KIRREL3: variants seen among roughly 807,000 people sequenced by gnomAD.
KIRREL3 encodes kin of IRRE-like protein 3.
KIRREL3 carries 36 observed loss-of-function variants against 89.7 expected under a neutral mutation model. The ratio of observed to expected loss-of-function variants is 0.40; its 90% CI spans 0.31 to 0.53. KIRREL3 has a LOEUF of 0.53. KIRREL3 is among the 20% of genes least tolerant of loss of function. The pLI is 0.49. For synonymous variants in KIRREL3, 445 were observed against 441.4 expected, an observed-to-expected ratio of 1.01 and a Z score of -0.10; for missense variants, 864 against 1,056.6, an observed-to-expected ratio of 0.82 and a Z score of 2.53.
intron 1 of KIRREL3, among the ~76,000 whole-genome samples, chr11:126,921,586 CTATCTATCTATCTATCTAT>C (rs1947296979): frequency 4.7e-5 from 1 of 21,194 alleles, no homozygotes; most frequent in Non-Finnish European, 9.0e-5. Flanking sequence ...TGTCTTCTAT[CTATCTATCTATCTATCTAT>C]CTATCTATCT....
intron 9 of KIRREL3, among the ~76,000 whole-genome samples, chr11:126,446,335 TC>T (rs1315021011): frequency 3.3e-5 from 5 of 151,684 alleles, no homozygotes; most frequent in Non-Finnish European, 7.4e-5. Flanking sequence ...TTTCTTTCTT[TC>T]CTTTCTTCTT....
rs537356997 is a variant in KIRREL3 at position 126,624,830 on chromosome 11, G to A, written c.56-61918C>T. ...GAGGGCAGAGCTGATGGAAGGGCCC[G>A]TTGGATACTGACCCAGGGCTTGGGG... On this transcript the variant is annotated intron_variant, in intron 1 of 16. Transcript: ENST00000525144. This position sits in a 1 kb window ranked among gnomAD's most constrained non-coding sequence, Gnocchi z 6.0. 2.0e-5 allele frequency among the ~76,000 whole-genome samples: 3 copies of A among 152,262 alleles called. No homozygotes were observed. Among genetic ancestry groups the A allele is most frequent in the South Asian group, 2.1e-4 (1 of 4,826 alleles).
At chr11:126,448,558 G>A (rs1178965855) in intron 8 of KIRREL3, among the ~76,000 whole-genome samples, 1 of 152,210 alleles carries the variant, frequency 6.6e-6, no homozygotes, top group African/African-American at 2.4e-5. Context: ...GTAGTAGGAG[G>A]AGGAGCTTTG....
In KIRREL3 at chr11:126,904,246, A is replaced by T. The variant is rs776931094; in HGVS notation, c.55+96209T>A. ...CACCGAACTTCAGATGAGATATTCC[A>T]AGTTTCATTTAGCACAACATATAGA... On this transcript the variant is annotated intron_variant, in intron 1 of 16. Coordinates refer to ENST00000525144, the MANE Select transcript of KIRREL3 (RefSeq NM_032531.4). The surrounding 1 kb of genome is among the most constrained non-coding windows in gnomAD (Gnocchi z 4.4). Among the ~76,000 whole-genome samples the T allele has an allele frequency of 6.6e-6, 1 of 152,232 alleles. No homozygotes were observed. Among genetic ancestry groups the T allele is most frequent in the East Asian group, 1.9e-4 (1 of 5,204 alleles).
In KIRREL3 at chr11:126,575,120, T is replaced by C. The variant is rs1431337627; in HGVS notation, c.56-12208A>G. On this transcript the variant is annotated intron_variant, in intron 1 of 16. Transcript: ENST00000525144. This position sits in a 1 kb window ranked among gnomAD's most constrained non-coding sequence, Gnocchi z 7.0. ...TACTTCTTGTTCATCTGGAGAAAGT[T>C]CTCTGGCCAGAGGACACAGTGAGGG... Among the ~76,000 whole-genome samples the C allele has an allele frequency of 6.6e-6, 1 of 152,116 alleles. No homozygotes were observed. Among genetic ancestry groups the C allele is most frequent in the Non-Finnish European group, 1.5e-5 (1 of 68,004 alleles).
At position 126,899,023 on chromosome 11, in the gene KIRREL3, C is replaced by T. The variant is rs556394152; in HGVS notation, c.55+101432G>A. On this transcript the variant is annotated intron_variant, in intron 1 of 16. Coordinates refer to ENST00000525144, the MANE Select transcript of KIRREL3 (RefSeq NM_032531.4). ...GCAGGGGAGTTTGGGGGGGGTCTCT[C>T]GCATTCCTGAGGTCCCTTTGACTAT... 1.6e-3 allele frequency among the ~76,000 whole-genome samples: 243 copies of T among 150,846 alleles called. 1 individual carries two copies. The highest frequency in any genetic ancestry group is 3.0e-3 in the Non-Finnish European group (203 of 67,916).
rs185607005 is a variant in KIRREL3, at chr11:126,463,740, C to T, written c.592-433G>A. On this transcript the variant is annotated intron_variant, in intron 5 of 16. Transcript: ENST00000525144. This position sits in a 1 kb window ranked among gnomAD's most constrained non-coding sequence, Gnocchi z 5.9. ...ACCAGCAGGGACTGTGGCCCCTGAG[C>T]GGGGACAGTCTGCAGAGGAGGCACA... 3.9e-5 allele frequency among the ~76,000 whole-genome samples: 6 copies of T among 152,132 alleles called. No individual in the cohort carries two copies. The highest frequency in any genetic ancestry group is 1.3e-4 in the Admixed American group (2 of 15,274).
chr11:126,682,862 C>CG lies in KIRREL3; in HGVS notation c.56-119951dup, dbSNP rs958292267. On this transcript the variant is annotated intron_variant, in intron 1 of 16. Transcript: ENST00000525144. The surrounding 1 kb of genome is among the most constrained non-coding windows in gnomAD (Gnocchi z 4.8). Reference sequence around the variant, plus strand: ...CCTAACAGGCTGAGGACCGGTACCCCGGGGCTGGGGATCCCTGTTCTATGA... The same window carrying CG: ...CCTAACAGGCTGAGGACCGGTACCCCGGGGGCTGGGGATCCCTGTTCTATGA... Among the ~76,000 whole-genome samples, 19 of 152,104 alleles carry CG rather than the reference C, an allele frequency of 1.2e-4. No individual in the cohort carries two copies. Among genetic ancestry groups the CG allele is most frequent in the African/African-American group, 4.1e-4 (17 of 41,398 alleles).
At chr11:126,473,595 G>A (rs959490490) in intron 4 of KIRREL3, 129 bp from the exon 5 acceptor site, 20 of 758,612 alleles carry the variant, frequency 2.6e-5, no homozygotes, top group Middle Eastern at 3.9e-4. Context: ...CGCATCGTCC[G>A]CTTGTATCGT....
intron 6 of KIRREL3, among the ~76,000 whole-genome samples, chr11:126,461,216 C>G (rs1956530359): frequency 6.6e-6 from 1 of 152,264 alleles, no homozygotes; most frequent in Non-Finnish European, 1.5e-5. Flanking sequence ...GACTGCATGG[C>G]TTTGCGGCAT....
Position 126,993,460 on chromosome 11 carries a change from C to T in KIRREL3, c.55+6995G>A, listed in dbSNP as rs545052426. ...TTCGTTTAGAGAACTCTTGAGCATCCTATAATATCAAGCATGATGTCATCT... is the reference window on the plus strand; with the variant it reads ...TTCGTTTAGAGAACTCTTGAGCATCTTATAATATCAAGCATGATGTCATCT... On this transcript the variant is annotated intron_variant, in intron 1 of 16. Coordinates refer to ENST00000525144, the MANE Select transcript of KIRREL3 (RefSeq NM_032531.4). This position sits in a 1 kb window ranked among gnomAD's most constrained non-coding sequence, Gnocchi z 6.1. 9.8e-5 allele frequency among the ~76,000 whole-genome samples: 15 copies of T among 152,310 alleles called. No individual in the cohort carries two copies. Among genetic ancestry groups the T allele is most frequent in the African/African-American group, 3.6e-4 (15 of 41,558 alleles).
chr11:126,909,986 C>G lies in KIRREL3; in HGVS notation c.55+90469G>C, dbSNP rs1310355991. Among the ~76,000 whole-genome samples the G allele has an allele frequency of 6.6e-6, 1 of 152,096 alleles. No individual in the cohort carries two copies. The highest frequency in any genetic ancestry group is 1.5e-5 in the Non-Finnish European group (1 of 68,018). On this transcript the variant is annotated intron_variant, in intron 1 of 16. Coordinates refer to ENST00000525144, the MANE Select transcript of KIRREL3 (RefSeq NM_032531.4). The surrounding 1 kb of genome is among the most constrained non-coding windows in gnomAD (Gnocchi z 4.5). Reference sequence around the variant, plus strand: ...CGGGCAATTTGTTAAGGTTGCAGAGCAGCAGTTCCAGGGTTGTAAAAGATA... The same window carrying G: ...CGGGCAATTTGTTAAGGTTGCAGAGGAGCAGTTCCAGGGTTGTAAAAGATA...
chr11:126,706,729 AT>A (rs1947542188), intron 1 of KIRREL3, among the ~76,000 whole-genome samples: 1 of 152,146 alleles, frequency 6.6e-6, no homozygotes, highest in Non-Finnish European at 1.5e-5. Context: ...GAAGTTGTTC[AT>A]CTTTTGATAT....
At chr11:126,725,393 C>T (rs3909723) in intron 1 of KIRREL3, among the ~76,000 whole-genome samples, 121,620 of 152,168 alleles carry the variant, frequency 0.8, 49,238 homozygotes, top group East Asian at 0.99. Flanking sequence ...GCCTGACTTG[C>T]TGACTCTGGG....
Position 126,827,180 on chromosome 11 carries a change from A to ATT in KIRREL3, c.55+173273_55+173274dup, listed in dbSNP as rs61491863. ...AATATGGAAGTCTTCCCAGATTCAG[A>ATT]TTTTTTTTTTTTCTTGAGATGGAGT... On this transcript the variant is annotated intron_variant, in intron 1 of 16. Coordinates refer to ENST00000525144, the MANE Select transcript of KIRREL3 (RefSeq NM_032531.4). 1.6e-3 allele frequency among the ~76,000 whole-genome samples: 242 copies of ATT among 148,330 alleles called. 5 individuals are homozygous for ATT. In the South Asian group the frequency reaches 0.029, roughly 18 times the overall value.
chr11:126,793,192 A>T (rs1950701159), intron 1 of KIRREL3, among the ~76,000 whole-genome samples: 1 of 151,844 alleles, frequency 6.6e-6, no homozygotes, highest in Non-Finnish European at 1.5e-5. Context: ...GTGAGACAAC[A>T]GGCCAGGGCA....
rs574911817 is a variant in KIRREL3 at position 126,772,721 on chromosome 11, G to C, written c.56-209809C>G. ...AAAGCTCTGGAGAGGCCACAGGCCA[G>C]CAGGGAAGTCACTGCAGCCTCTGGG... On this transcript the variant is annotated intron_variant, in intron 1 of 16. Coordinates refer to ENST00000525144, the MANE Select transcript of KIRREL3 (RefSeq NM_032531.4). The surrounding 1 kb of genome is among the most constrained non-coding windows in gnomAD (Gnocchi z 4.6). Among the ~76,000 whole-genome samples, 11 of 152,336 alleles carry C rather than the reference G, an allele frequency of 7.2e-5. No individual in the cohort carries two copies. Among genetic ancestry groups the C allele is most frequent in the African/African-American group, 2.2e-4 (9 of 41,588 alleles).
intron 1 of KIRREL3, among the ~76,000 whole-genome samples, chr11:126,863,536 C>A: frequency 9.1e-6 from 1 of 110,492 alleles, no homozygotes; most frequent in African/African-American, 3.6e-5. Flanking sequence ...TGTGTGAGTG[C>A]GTGTGAGTGT....
At position 126,995,909 on chromosome 11, in the gene KIRREL3, G is replaced by T. The variant is rs928452144; in HGVS notation, c.55+4546C>A. Among the ~76,000 whole-genome samples, 1 of 152,168 alleles carries T rather than the reference G, an allele frequency of 6.6e-6. No homozygotes were observed. The highest frequency in any genetic ancestry group is 1.5e-5 in the Non-Finnish European group (1 of 68,038). On this transcript the variant is annotated intron_variant, in intron 1 of 16. Transcript: ENST00000525144. The surrounding 1 kb of genome is among the most constrained non-coding windows in gnomAD (Gnocchi z 6.5). ...ACACAGGCACACACCAGGCAGGGCT[G>T]CTTCTTGGTACCATGCCTAGCTTGC... is the stretch of plus-strand genomic sequence containing the variant.
Sources: allele counts gnomAD v4.1 joint callset (sites outside exome capture counted in the v4.1 genomes callset), GRCh38; gene constraint gnomAD v4.1.1; non-coding constraint Gnocchi (gnomAD v3.1); transcripts MANE v1.5; gene names NCBI Gene and HGNC (gene_info 2026-07-23, HGNC 2026-07-21).